Variants in ZNF492 observed in about 807,000 individuals in gnomAD.
ZNF492 encodes zinc finger protein 115 (Y20).
A neutral mutation model predicts 6.4 loss-of-function variants in ZNF492; 3 were observed. The observed-to-expected ratio is 0.47, with a 90% CI of 0.21 to 1.22. ZNF492 has a LOEUF of 1.22. Among genes scored for constraint, ZNF492 ranks in the 50% most tolerant of loss-of-function variants. The probability of loss-of-function intolerance (pLI) is 0.22; values close to 1 mark genes in which losing one functional copy is unlikely to be tolerated. For missense variants in ZNF492, 356 were observed against 612.5 expected, an observed-to-expected ratio of 0.58 and a Z score of 4.42; for synonymous variants, 112 against 205.3, an observed-to-expected ratio of 0.55 and a Z score of 3.89.
chr19:22,659,664 G>GTTTTTTTTTTTT lies in ZNF492; in HGVS notation c.131-4134_131-4133insTTTTTTTTTTTT, dbSNP rs1568356633. Among the ~76,000 whole-genome samples, 2 of 126,932 alleles carry GTTTTTTTTTTTT rather than the reference G, an allele frequency of 1.6e-5. 1 individual carries two copies. 83.3% of individuals were successfully genotyped at this position (126,932 alleles called of 152,430 possible). Reference sequence around the variant, plus strand: ...AGTAAATCTGAAGTGGTTTTTTTTTGTTGTTTTTTTTTTTTTTTTGAGACA... The same window carrying GTTTTTTTTTTTT: ...AGTAAATCTGAAGTGGTTTTTTTTTGTTTTTTTTTTTTTTGTTTTTTTTTTTTTTTTGAGACA... On this transcript the variant is annotated intron_variant, in intron 3 of 3. Coordinates refer to ENST00000456783, the MANE Select transcript of ZNF492 (RefSeq NM_020855.3).
chr19:22,649,256 C>T (rs1971915512), intron 1 of ZNF492, among the ~76,000 whole-genome samples: 1 of 152,128 alleles, frequency 6.6e-6, no homozygotes, highest in South Asian at 2.1e-4. Context: ...GAATATTGGC[C>T]TCCATTGTCA....
Position 22,652,221 on chromosome 19 carries a change from C to CTTTTTTTTTTTTTTTTTT in ZNF492, c.-93-1069_-93-1068insTTTTTTTTTTTTTTTTTT, listed in dbSNP as rs59051481. On this transcript the variant is annotated intron_variant, in intron 1 of 3. Transcript: ENST00000456783. ...AATCTGGCAGCTGACCTTTCTTAGG[C>CTTTTTTTTTTTTTTTTTT]TTTTTTTTTTTTTTTTTGAGACGGA... Among the ~76,000 whole-genome samples the CTTTTTTTTTTTTTTTTTT allele has an allele frequency of 3.6e-4, 38 of 105,472 alleles. 8 individuals carry two copies. The highest frequency in any genetic ancestry group is 4.3e-3 in the Middle Eastern group (1 of 230). The allele number at this position is 105,472 out of a possible 152,430, so 69.2% of individuals were successfully genotyped here. A position where few individuals can be genotyped will look rare whatever the true frequency, so the allele number is the denominator to read the frequency against.
chr19:22,644,711 T>C (rs1001656705), intron 1 of ZNF492, among the ~76,000 whole-genome samples: 20 of 152,206 alleles, frequency 1.3e-4, no homozygotes, highest in African/African-American at 1.7e-4. Flanking sequence ...GTCTTTATAA[T>C]AGAATGATTT....
chr19:22,636,101 A>ATT (rs377294086), intron 1 of ZNF492, among the ~76,000 whole-genome samples: 7 of 139,036 alleles, frequency 5.0e-5, no homozygotes, highest in African/African-American at 1.6e-4. Flanking sequence ...TCTTACTTAA[A>ATT]TATTTTTTTT....
Position 22,663,882 on chromosome 19 carries a change from T to C in ZNF492, c.213T>C (p.Tyr71=), listed in dbSNP as rs772533652. Residue 71 remains tyrosine (Y), a synonymous_variant, in exon 4 of 4, where the codon TAT becomes TAC. Coordinates refer to ENST00000456783, the MANE Select transcript of ZNF492 (RefSeq NM_020855.3). ...NYFQKVILRR[Y]KKCGCENLQL... ...TCCAAAAAGTGATACTGAGAAGATA[T>C]AAAAAATGTGGATGTGAAAATTTAC... 8.8e-5 allele frequency: 139 copies of C among 1,584,426 alleles called. No individual in the cohort carries two copies. The highest frequency in any genetic ancestry group is 8.5e-4 in the Middle Eastern group (5 of 5,876).
chr19:22,660,566 A>G (rs1231332171), intron 3 of ZNF492, among the ~76,000 whole-genome samples: 1 of 150,020 alleles, frequency 6.7e-6, no homozygotes, highest in Non-Finnish European at 1.5e-5. Context: ...GTTGCTAATT[A>G]TGTTTTTACA....
chr19:22,651,984 A>T (rs1313406092), intron 1 of ZNF492, among the ~76,000 whole-genome samples: 1 of 152,166 alleles, frequency 6.6e-6, no homozygotes, highest in Admixed American at 6.5e-5. Flanking sequence ...TTATGATTAA[A>T]TTCAGACTAT....
chr19:22,661,797 T>C (rs1972061323), intron 3 of ZNF492, among the ~76,000 whole-genome samples: 1 of 152,126 alleles, frequency 6.6e-6, no homozygotes, highest in Admixed American at 6.5e-5. Context: ...GGTTTCACTA[T>C]GTTGCCCAGG....
chr19:22,657,177 A>T (rs1243280360), intron 3 of ZNF492, among the ~76,000 whole-genome samples: 2 of 152,140 alleles, frequency 1.3e-5, no homozygotes, highest in Non-Finnish European at 2.9e-5. Context: ...GGTAATTAGT[A>T]GACAGACAAA....
rs532761951 is a variant in ZNF492, at chr19:22,647,870, A to G, written c.-93-5437A>G. 2.1e-4 allele frequency among the ~76,000 whole-genome samples: 32 copies of G among 151,076 alleles called. No homozygotes were observed. The South Asian group carries it at 2.3e-3, about 11-fold the overall frequency. The stretch of plus-strand genomic sequence containing the variant: ...CTCAACCTCCTGAGTAGCTGGGATT[A>G]TAGGTGCCCACCACCACACCTGGCT... On this transcript the variant is annotated intron_variant, in intron 1 of 3. Coordinates refer to ENST00000456783, the MANE Select transcript of ZNF492 (RefSeq NM_020855.3).
intron 3 of ZNF492, 82 bp from the exon 4 acceptor site, chr19:22,663,718 G>T (rs918381786): frequency 1.5e-6 from 2 of 1,311,052 alleles, no homozygotes; most frequent in Non-Finnish European, 2.0e-6. Flanking sequence ...GATGTAGTTT[G>T]TATAATTTTA....
intron 1 of ZNF492, among the ~76,000 whole-genome samples, chr19:22,639,750 T>A (rs1260879363): frequency 6.6e-6 from 1 of 150,706 alleles, no homozygotes; most frequent in Non-Finnish European, 1.5e-5. Context: ...AAAGCTTTTC[T>A]GTGATGATTA....
chr19:22,640,447 C>A (rs984437371), intron 1 of ZNF492, among the ~76,000 whole-genome samples: 1 of 152,226 alleles, frequency 6.6e-6, no homozygotes, highest in African/African-American at 2.4e-5. Context: ...CAGGCGTGAG[C>A]CACCACGCCC....
chr19:22,663,967 G>A lies in ZNF492; in HGVS notation c.298G>A (p.Gly100Arg), dbSNP rs755130311. The change falls in exon 4 of 4, where the codon GGA (glycine) becomes AGA (arginine). Residue 100 changes from glycine to arginine, a missense_variant. Gly to Arg is a moderately radical substitution (Grantham distance 125). Coordinates refer to ENST00000456783, the MANE Select transcript of ZNF492 (RefSeq NM_020855.3). ...TAAGGTGCACAAAGAATGTTACAAT[G>A]GACTTAACCAGTGTTTGACGACTAC... is the stretch of plus-strand genomic sequence containing the variant. ...ECKVHKECYN[G>R]LNQCLTTTQN... The A allele has an allele frequency of 1.2e-6, 2 of 1,612,134 alleles. No homozygotes were observed. Among genetic ancestry groups the A allele is most frequent in the Non-Finnish European group, 8.5e-7 (1 of 1,179,058 alleles).
At chr19:22,662,922 G>T (rs1364952518) in intron 3 of ZNF492, among the ~76,000 whole-genome samples, 12 of 152,164 alleles carry the variant, frequency 7.9e-5, no homozygotes, top group Non-Finnish European at 1.5e-4. Flanking sequence ...TTGCCGTGCA[G>T]AAGCTCTTTA....
intron 1 of ZNF492, among the ~76,000 whole-genome samples, chr19:22,636,633 A>T (rs1428171568): frequency 1.3e-5 from 2 of 148,316 alleles, no homozygotes; most frequent in Admixed American, 6.8e-5. Context: ...ATTTATTTTT[A>T]TTTTATTATT....
rs1972131880 is a variant in ZNF492, at chr19:22,666,588, C to T, written c.*1323C>T. 1 of 152,112 alleles carries T rather than the reference C, an allele frequency of 6.6e-6. No individual in the cohort carries two copies. The highest frequency in any genetic ancestry group is 1.9e-4 in the East Asian group (1 of 5,166). 9.4% of individuals were successfully genotyped at this position (152,112 alleles called of 1,614,324 possible). On this transcript the variant is annotated 3_prime_UTR_variant, in exon 4 of 4. Transcript: ENST00000456783. ...ATTAGGTGAGCATTTATGACCTCTT[C>T]TATGAAAGAGTAAGGACATTAAAAT...
At chr19:22,656,699 C>T (rs1260798697) in intron 3 of ZNF492, among the ~76,000 whole-genome samples, 33 of 152,000 alleles carry the variant, frequency 2.2e-4, no homozygotes, top group Non-Finnish European at 4.4e-4. Flanking sequence ...CTCAGTGGGA[C>T]CAAGTTTGGT....
intron 3 of ZNF492, among the ~76,000 whole-genome samples, chr19:22,655,842 T>G (rs1599400664): frequency 1.4e-5 from 2 of 139,060 alleles, no homozygotes; most frequent in African/African-American, 6.0e-5. Flanking sequence ...TTTTTTTTTT[T>G]GAGACAGCGT....
Sources: gnomAD v4.1 joint callset for allele counts (sites outside exome capture counted in the v4.1 genomes callset) on GRCh38, gnomAD v4.1.1 for gene constraint, MANE v1.5 for transcripts, NCBI Gene and HGNC (gene_info 2026-07-23, HGNC 2026-07-21) for gene names.